TUB: variants seen among roughly 807,000 people sequenced by gnomAD.
TUB encodes TUB bipartite transcription factor, also known as tubby protein homolog.
Under a neutral mutation model 59.7 loss-of-function variants are expected in TUB, and 33 were observed. The ratio of observed to expected loss-of-function variants is 0.55; its 90% CI spans 0.42 to 0.74. The LOEUF is 0.74. Ranked by LOEUF, TUB falls within the 30% of genes least tolerant of loss-of-function variation. The probability of loss-of-function intolerance (pLI) is 0.00; values close to 1 mark genes in which losing one functional copy is unlikely to be tolerated. For missense variants in TUB, 659 were observed against 672.0 expected (o/e 0.98, Z 0.21); for synonymous variants, 293 against 256.4 (o/e 1.14, Z -1.36).
At chr11:8,068,068 A>G (rs1252600614) in intron 2 of TUB, 1 of 152,246 alleles carries the variant, frequency 6.6e-6, no homozygotes, top group East Asian at 1.9e-4. Context: ...TTATTAAATC[A>G]TGGAATCCCC....
chr11:8,089,753 C>T (rs1173737696), intron 2 of TUB, 92 bp downstream of exon 2: 22 of 1,508,910 alleles, frequency 1.5e-5, no homozygotes, highest in Non-Finnish European at 1.9e-5. Flanking sequence ...CCTGGATGAT[C>T]CCGTCTGATT....
At chr11:8,045,569 C>T (rs947690255) in intron 2 of TUB, among the ~76,000 whole-genome samples, 2 of 152,206 alleles carry the variant, frequency 1.3e-5, no homozygotes, top group African/African-American at 4.8e-5. Flanking sequence ...AAATCTGAAA[C>T]TTTTTGAGAG....
chr11:8,084,240 G>T (rs1943625081), intron 1 of TUB, among the ~76,000 whole-genome samples: 3 of 152,124 alleles, frequency 2.0e-5, no homozygotes, highest in South Asian at 4.1e-4. Flanking sequence ...ATTTTCTTTA[G>T]AGAAATGATA....
Position 8,100,924 on chromosome 11 carries a change from C to G in TUB, c.1314C>G (p.Ser438=), listed in dbSNP as rs1340894080. The change falls in exon 11 of 12, where the codon TCC becomes TCG. Residue 438 remains serine, a synonymous_variant. Transcript: ENST00000299506. ...KTPVWNDDTQ[S]YVLNFHGRVT... ...CTGTCTGGAATGATGACACACAGTC[C>G]TATGTACTCAACTTCCATGGGCGCG... 8.7e-6 allele frequency: 14 copies of G among 1,614,062 alleles called. No homozygotes were observed. The highest frequency in any genetic ancestry group is 1.1e-5 in the Non-Finnish European group (13 of 1,180,040).
At chr11:8,048,675 G>T (rs1942878337) in intron 2 of TUB, among the ~76,000 whole-genome samples, 1 of 152,038 alleles carries the variant, frequency 6.6e-6, no homozygotes, top group South Asian at 2.1e-4. Flanking sequence ...TAAAGTGCTG[G>T]GATTACAGGC....
chr11:8,063,252 C>G (rs1943168882), intron 2 of TUB, among the ~76,000 whole-genome samples: 2 of 152,222 alleles, frequency 1.3e-5, no homozygotes, highest in Non-Finnish European at 2.9e-5. Context: ...GTTATGAAAT[C>G]TCCTCCACGG....
chr11:8,035,886 G>A (rs1358504027), upstream of TUB: 1 of 152,328 alleles, frequency 6.6e-6, no homozygotes, highest in Non-Finnish European at 1.5e-5. Context: ...GTTTGTGACA[G>A]GGAGGTGAGA....
intron 2 of TUB, among the ~76,000 whole-genome samples, chr11:8,070,992 A>T (rs185602782): frequency 3.3e-5 from 5 of 152,276 alleles, no homozygotes; most frequent in Admixed American, 2.6e-4. Flanking sequence ...TTATGTAACC[A>T]CAGCTAACTC....
intron 9 of TUB, among the ~76,000 whole-genome samples, chr11:8,099,109 T>G (rs537618693): frequency 1.3e-5 from 2 of 152,102 alleles, no homozygotes; most frequent in African/African-American, 4.8e-5. Context: ...AAACCAGGCC[T>G]GGCTCTCTGC....
intron 1 of TUB, among the ~76,000 whole-genome samples, chr11:8,021,917 A>G (rs2133695305): frequency 1.7e-4 from 1 of 5,982 alleles, no homozygotes; most frequent in Admixed American, 4.5e-3. Context: ...CTCCAGCTCA[A>G]AAAAAAAAAA....
chr11:8,097,130 T>C (rs982581999), intron 6 of TUB, 98 bp from the exon 7 acceptor site: 3 of 1,372,860 alleles, frequency 2.2e-6, no homozygotes, highest in Non-Finnish European at 2.0e-6. Flanking sequence ...CTTCCCTCTC[T>C]CCCACCGCCA....
In TUB at chr11:8,095,822, G is replaced by A. The variant is rs192084182; in HGVS notation, c.565+157G>A. 9.8e-5 allele frequency among the ~76,000 whole-genome samples: 15 copies of A among 152,380 alleles called. No individual in the cohort carries two copies. In the East Asian group the frequency reaches 2.7e-3, roughly 27 times the overall value. On this transcript the variant is annotated intron_variant, in intron 5 of 11. Coordinates refer to ENST00000299506, the MANE Select transcript of TUB (RefSeq NM_177972.3). ...TTCGGAGACAAATGAGAAACTCTTA[G>A]GCAGGGCCCCTGCTAAGGCCCCAGG...
chr11:8,084,365 T>C (rs1943627056), intron 1 of TUB, among the ~76,000 whole-genome samples: 1 of 152,252 alleles, frequency 6.6e-6, no homozygotes, highest in Non-Finnish European at 1.5e-5. Context: ...ACAATTGGAA[T>C]GTTTTTGTCT....
chr11:8,062,299 C>G (rs1179378379), intron 2 of TUB: 1 of 152,644 alleles, frequency 6.6e-6, no homozygotes, highest in Non-Finnish European at 1.5e-5. Context: ...CGGGCATGGA[C>G]CAAGAGCTCC....
At chr11:8,064,704 A>G (rs915903506) in intron 2 of TUB, among the ~76,000 whole-genome samples, 1 of 152,210 alleles carries the variant, frequency 6.6e-6, no homozygotes, top group Non-Finnish European at 1.5e-5. Flanking sequence ...GGTCAGGGGC[A>G]TGAAACCCAG....
At chr11:8,098,916 T>TA in intron 9 of TUB, 41 bp downstream of exon 9, 2 of 1,459,536 alleles carry the variant, frequency 1.4e-6, no homozygotes, top group Non-Finnish European at 1.9e-6. Context: ...CCAAGGTAGA[T>TA]ATGAAATCCA....
At chr11:8,047,002 C>T (rs780873205) in intron 2 of TUB, among the ~76,000 whole-genome samples, 11 of 152,194 alleles carry the variant, frequency 7.2e-5, no homozygotes, top group East Asian at 1.9e-4. Flanking sequence ...TCCTGGGCTA[C>T]GTGCAGCCTG....
At chr11:8,099,790 A>G (rs1018441091) in intron 9 of TUB, among the ~76,000 whole-genome samples, 3 of 151,924 alleles carry the variant, frequency 2.0e-5, no homozygotes, top group African/African-American at 7.2e-5. Flanking sequence ...TCTTGAGTAA[A>G]GACCAGAAGG....
chr11:8,021,458 A>C (rs1942426144), intron 1 of TUB, among the ~76,000 whole-genome samples: 1 of 152,110 alleles, frequency 6.6e-6, no homozygotes, highest in African/African-American at 2.4e-5. Context: ...CGACAGAGCT[A>C]GACTCTGTCT....
Sources: allele counts gnomAD v4.1 joint callset (sites outside exome capture counted in the v4.1 genomes callset), GRCh38; gene constraint gnomAD v4.1.1; transcripts MANE v1.5; gene names NCBI Gene and HGNC (gene_info 2026-07-23, HGNC 2026-07-21).